Variants in CLCN7 observed in about 807,000 individuals in gnomAD.
CLCN7 encodes H(+)/Cl(-) exchange transporter 7.
A neutral mutation model predicts 102.1 loss-of-function variants in CLCN7; 60 were observed. The ratio of observed to expected loss-of-function variants is 0.59; its 90% CI spans 0.48 to 0.73. CLCN7 has a LOEUF of 0.73. Among genes scored for constraint, CLCN7 ranks in the 30% least tolerant of loss-of-function variants. The probability of loss-of-function intolerance (pLI) is 0.00; values close to 1 mark genes in which losing one functional copy is unlikely to be tolerated. For synonymous variants in CLCN7, 560 were observed against 490.5 expected (o/e 1.14, Z -1.87); for missense variants, 962 against 1,125.7 (o/e 0.85, Z 2.08).
intron 7 of CLCN7, among the ~76,000 whole-genome samples, chr16:1,458,036 G>A (rs551833637): frequency 1.3e-4 from 19 of 143,914 alleles, no homozygotes; most frequent in African/African-American, 5.1e-4. Context: ...AGGCAAAGCT[G>A]GGCCGCCCAC....
Position 1,453,821 on chromosome 16 carries a change from G to T in CLCN7, c.1214+13C>A, listed in dbSNP as rs201499975. 5 of 1,612,790 alleles carry T rather than the reference G, an allele frequency of 3.1e-6. No individual in the cohort carries two copies. Among genetic ancestry groups the T allele is most frequent in the South Asian group, 2.2e-5 (2 of 91,078 alleles). ...CGCCTGCCAACGCGATATGCAATGC[G>T]GTTTCTCCTCACCTGATTCGAAACA... On this transcript the variant is annotated intron_variant, in intron 14 of 24. Transcript: ENST00000382745.
intron 2 of CLCN7, among the ~76,000 whole-genome samples, chr16:1,462,795 G>A (rs572872133): frequency 6.6e-6 from 1 of 152,138 alleles, no homozygotes; most frequent in South Asian, 2.1e-4. Context: ...CCACAACAGT[G>A]TCAAAACATT....
intron 1 of CLCN7, among the ~76,000 whole-genome samples, chr16:1,470,420 C>A (rs2039062009): frequency 6.6e-6 from 1 of 152,182 alleles, no homozygotes; most frequent in African/African-American, 2.4e-5. Context: ...CAGGCCTCTG[C>A]CAGGACCAGG....
At chr16:1,463,694 G>C (rs2038968841) in intron 2 of CLCN7, among the ~76,000 whole-genome samples, 1 of 151,800 alleles carries the variant, frequency 6.6e-6, no homozygotes, top group Non-Finnish European at 1.5e-5. Flanking sequence ...GTGTTGTCTA[G>C]GCTGATCTCC....
chr16:1,449,530 C>A, intron 17 of CLCN7: 1 of 612,812 alleles, frequency 1.6e-6, no homozygotes, highest in Non-Finnish European at 2.9e-6. Flanking sequence ...AGGCGCTCAG[C>A]ACCCGAGCAA....
At chr16:1,455,616 C>T (rs2038822922) in intron 11 of CLCN7, 115 bp downstream of exon 11, 2 of 1,138,108 alleles carry the variant, frequency 1.8e-6, no homozygotes, top group East Asian at 2.4e-5. Context: ...GACAGACCCA[C>T]AGGGGGTCCA....
rs1360191307 is a variant in CLCN7 at position 1,452,844 on chromosome 16, C to A, written c.1264G>T (p.Ala422Ser). ...ACGAAGGCAACTGTGGCCGTGACGGCGGCCACCAGCACGGCCTCAATCACC... is the reference window on the plus strand; with the variant it reads ...ACGAAGGCAACTGTGGCCGTGACGGAGGCCACCAGCACGGCCTCAATCACC... ...LQVIEAVLVA[A>S]VTATVAFVLI... is the part of the protein sequence containing the mutation. The change falls in exon 15 of 25, where the codon GCC becomes TCC. Residue 422 changes from alanine to serine, a missense_variant. Coordinates refer to ENST00000382745, the MANE Select transcript of CLCN7 (RefSeq NM_001287.6). The A allele has an allele frequency of 1.3e-6, 2 of 1,586,038 alleles. No homozygotes were observed. Among genetic ancestry groups the A allele is most frequent in the East Asian group, 4.6e-5 (2 of 43,036 alleles).
chr16:1,446,852 C>G, intron 24 of CLCN7, 135 bp from the exon 25 acceptor site: 2 of 1,110,292 alleles, frequency 1.8e-6, no homozygotes, highest in South Asian at 1.3e-5. Context: ...GAGCTGAGCA[C>G]GGGGCTGGGG....
rs2038677273 is a variant in CLCN7 at position 1,447,775 on chromosome 16, CTG to C, written c.2014-63_2014-62del. 5 of 1,514,038 alleles carry C rather than the reference CTG, an allele frequency of 3.3e-6. 1 individual carries two copies. In the South Asian group the frequency reaches 4.8e-5, roughly 15 times the overall value. The allele number at this position is 1,514,038 out of a possible 1,614,324, so 93.8% of individuals were successfully genotyped here. A position where few individuals can be genotyped will look rare whatever the true frequency, so the allele number is the denominator to read the frequency against. On this transcript the variant is annotated intron_variant, in intron 21 of 24. Coordinates refer to ENST00000382745, the MANE Select transcript of CLCN7 (RefSeq NM_001287.6). ...GAGGGTGGGAGGCTGCGCTGGAATG[CTG>C]TGTCGGGCCCCGCTCTGACCCTGTT... is the stretch of plus-strand genomic sequence containing the variant.
intron 1 of CLCN7, among the ~76,000 whole-genome samples, chr16:1,466,408 G>A (rs1166861501): frequency 6.6e-6 from 1 of 152,224 alleles, no homozygotes; most frequent in East Asian, 1.9e-4. Flanking sequence ...GGCGCCAGGA[G>A]CCCACAGGGC....
Position 1,468,492 on chromosome 16 carries a change from G to A in CLCN7, c.142-3154C>T, listed in dbSNP as rs896635407. Among the ~76,000 whole-genome samples the A allele has an allele frequency of 3.3e-5, 5 of 152,206 alleles. No homozygotes were observed. The South Asian group carries it at 6.2e-4, about 19-fold the overall frequency. ...TCAAGTTCAGCAATGCATTCCGTGC[G>A]GTTACTTTCTTTTTTAAATGCAAGC... On this transcript the variant is annotated intron_variant, in intron 1 of 24. Coordinates refer to ENST00000382745, the MANE Select transcript of CLCN7 (RefSeq NM_001287.6).
rs958169238 is a variant in CLCN7 at position 1,455,346 on chromosome 16, G to A, written c.982-96C>T. ...GACCATCGCCCCTCCTGTCAGCCCC[G>A]GGGCCAGGAGTCTGCAGACCCCGCC... On this transcript the variant is annotated intron_variant, in intron 11 of 24. Transcript: ENST00000382745. The A allele has an allele frequency of 8.7e-5, 75 of 864,468 alleles. 1 individual carries two copies. The highest frequency in any genetic ancestry group is 3.0e-4 in the Middle Eastern group (1 of 3,350). The allele number at this position is 864,468 out of a possible 1,614,324, so 53.5% of individuals were successfully genotyped here.
At position 1,473,370 on chromosome 16, in the gene CLCN7, C is replaced by CTTTTTT. The variant is rs779736867; in HGVS notation, c.141+1458_141+1463dup. On this transcript the variant is annotated intron_variant, in intron 1 of 24. Transcript: ENST00000382745. The stretch of plus-strand genomic sequence containing the variant: ...GGCTGATTTTCGTGTCCTTCCTAAA[C>CTTTTTT]TTTTTTTTTTTTTTTTTTTTTTTTG... 1.4e-3 allele frequency among the ~76,000 whole-genome samples: 104 copies of CTTTTTT among 76,704 alleles called. 4 individuals are homozygous for CTTTTTT. The highest frequency in any genetic ancestry group is 3.8e-3 in the African/African-American group (67 of 17,416). 50.3% of individuals were successfully genotyped at this position (76,704 alleles called of 152,430 possible).
chr16:1,448,717 C>A lies in CLCN7; in HGVS notation c.1847G>T (p.Trp616Leu). ...IQLQSVPFLH[W>L]EAPVTSHSLT... is the part of the protein sequence containing the mutation. ...TGAGTGTGAGGTGACCGGGGCCTCCCAGTGCAGGAAGGGCACACTCTGCAG... is the reference window on the plus strand; with the variant it reads ...TGAGTGTGAGGTGACCGGGGCCTCCAAGTGCAGGAAGGGCACACTCTGCAG... The change falls in exon 20 of 25, where the codon TGG (tryptophan) becomes TTG (leucine). Residue 616 changes from tryptophan (W) to leucine (L), a missense_variant. Transcript: ENST00000382745. The A allele has an allele frequency of 6.2e-7, 1 of 1,612,708 alleles. No homozygotes were observed. The highest frequency in any genetic ancestry group is 8.5e-7 in the Non-Finnish European group (1 of 1,179,970).
chr16:1,455,313 C>G (rs913985458), intron 11 of CLCN7, 63 bp from the exon 12 acceptor site: 1 of 1,031,896 alleles, frequency 9.7e-7, no homozygotes, highest in South Asian at 1.3e-5. Context: ...GGCTCACGGA[C>G]CAGCAGGGAC....
At chr16:1,467,799 T>C (rs1252145367) in intron 1 of CLCN7, 2 of 152,334 alleles carry the variant, frequency 1.3e-5, no homozygotes, top group African/African-American at 4.8e-5. Flanking sequence ...TAACGGATCA[T>C]TCTGGCCGGA....
chr16:1,447,402 G>A lies in CLCN7; in HGVS notation c.2240C>T (p.Thr747Met), dbSNP rs201810925. The A allele has an allele frequency of 9.7e-5, 150 of 1,549,428 alleles. No homozygotes were observed. Among genetic ancestry groups the A allele is most frequent in the African/African-American group, 6.7e-4 (49 of 73,036 alleles). ...ATGCCCTGCACATGCCTGGGGCACC[G>A]TGTAGGGGGAGGGGTTCATGAACTC... ...LSEFMNPSPY[T>M]VPQEASLPRV... The change falls in exon 23 of 25, where the codon ACG becomes ATG. Residue 747 changes from threonine (T) to methionine (M), a missense_variant. Transcript: ENST00000382745.
intron 14 of CLCN7, 147 bp downstream of exon 14, chr16:1,453,687 C>T (rs1028092841): frequency 3.5e-5 from 28 of 802,936 alleles, no homozygotes; most frequent in East Asian, 2.1e-4. Context: ...CCAGCTCCAC[C>T]GGGGAAACCA....
chr16:1,458,228 C>T (rs752124095), intron 7 of CLCN7, among the ~76,000 whole-genome samples: 2 of 152,238 alleles, frequency 1.3e-5, no homozygotes, highest in African/African-American at 4.8e-5. Flanking sequence ...TCCTCTCCAC[C>T]TGAGAAGGTG....
Sources: gnomAD v4.1 joint callset for allele counts (sites outside exome capture counted in the v4.1 genomes callset) on GRCh38, gnomAD v4.1.1 for gene constraint, MANE v1.5 for transcripts, NCBI Gene and HGNC (gene_info 2026-07-23, HGNC 2026-07-21) for gene names.